Variants in ENTPD1 observed in about 807,000 individuals in gnomAD.
The protein encoded by ENTPD1 is ATP diphosphohydrolase.
Under a neutral mutation model 57.0 loss-of-function variants are expected in ENTPD1, and 33 were observed. The ratio of observed to expected loss-of-function variants is 0.58; its 90% CI spans 0.44 to 0.77. The LOEUF is 0.77. Among genes scored for constraint, ENTPD1 ranks in the 30% least tolerant of loss-of-function variants. The pLI is 0.00. For synonymous variants in ENTPD1, 202 were observed against 218.8 expected (o/e 0.92, Z 0.68); for missense variants, 501 against 603.4 (o/e 0.83, Z 1.78).
chr10:95,802,921 A>G lies in ENTPD1; in HGVS notation c.17-20316A>G, dbSNP rs140699878. Among the ~76,000 whole-genome samples the G allele has an allele frequency of 4.2e-3, 635 of 152,288 alleles. 2 individuals are homozygous for G. The highest frequency in any genetic ancestry group is 6.4e-3 in the Non-Finnish European group (438 of 68,026). On this transcript the variant is annotated intron_variant, in intron 1 of 9. Transcript: ENST00000371205. ...AGTGCCGCAATAAACATACGTATGC[A>G]TACGTCTTTATAGTAGCATGCTTTA...
intron 1 of ENTPD1, among the ~76,000 whole-genome samples, chr10:95,740,836 TGAC>T (rs576880106): frequency 5.4e-4 from 83 of 152,356 alleles, no homozygotes; most frequent in Middle Eastern, 3.4e-3. Flanking sequence ...TGCTGGCTTC[TGAC>T]TTTTCTTCTG....
chr10:95,728,702 TCA>T (rs2097986274), intron 1 of ENTPD1, among the ~76,000 whole-genome samples: 1 of 152,220 alleles, frequency 6.6e-6, no homozygotes, highest in African/African-American at 2.4e-5. Context: ...ATGATGTTCG[TCA>T]CACAGTGTTT....
At chr10:95,751,407 G>A (rs2098011762), upstream of ENTPD1, among the ~76,000 whole-genome samples, 1 of 152,152 alleles carries the variant, frequency 6.6e-6, no homozygotes, top group Non-Finnish European at 1.5e-5. Flanking sequence ...TGTGTGACTA[G>A]GTGGATGGTA....
At chr10:95,850,519 G>C (rs1219198105) in intron 7 of ENTPD1, among the ~76,000 whole-genome samples, 1 of 152,066 alleles carries the variant, frequency 6.6e-6, no homozygotes, top group African/African-American at 2.4e-5. Context: ...GGGGAATGGG[G>C]AGCTGATTTG....
intron 1 of ENTPD1, among the ~76,000 whole-genome samples, chr10:95,725,052 C>G (rs2139837081): frequency 6.6e-6 from 1 of 152,244 alleles, no homozygotes; most frequent in East Asian, 1.9e-4. Flanking sequence ...CTATTTCCCT[C>G]TGTTACTTGA....
chr10:95,785,873 G>A (rs1045595492), intron 1 of ENTPD1, among the ~76,000 whole-genome samples: 6 of 152,194 alleles, frequency 3.9e-5, no homozygotes, highest in African/African-American at 1.4e-4. Context: ...TGAACAATGA[G>A]TATAAAGTGC....
chr10:95,782,465 A>G (rs537330863), intron 1 of ENTPD1, among the ~76,000 whole-genome samples: 13 of 152,340 alleles, frequency 8.5e-5, no homozygotes, highest in African/African-American at 3.1e-4. Flanking sequence ...GGTAGTAAAA[A>G]TGAATATGAC....
rs527987964 is a variant in ENTPD1 at position 95,873,336 on chromosome 10, A to G, written c.*6953A>G. Reference sequence around the variant, plus strand: ...CTCACTCCTCTTATACAACAATCCAAGTGTTTCTTTTGTCAGTTGTCTGTG... The same window carrying G: ...CTCACTCCTCTTATACAACAATCCAGGTGTTTCTTTTGTCAGTTGTCTGTG... On this transcript the variant is annotated 3_prime_UTR_variant, in exon 10 of 10. Coordinates refer to ENST00000371205, the MANE Select transcript of ENTPD1 (RefSeq NM_001776.6). 5 of 985,318 alleles carry G rather than the reference A, an allele frequency of 5.1e-6. No individual in the cohort carries two copies. Among genetic ancestry groups the G allele is most frequent in the African/African-American group, 1.7e-5 (1 of 57,202 alleles). The allele number at this position is 985,318 out of a possible 1,614,324, so 61.0% of individuals were successfully genotyped here. A position where few individuals can be genotyped will look rare whatever the true frequency, so the allele number is the denominator to read the frequency against.
chr10:95,865,209 C>T (rs2098472068), intron 9 of ENTPD1, among the ~76,000 whole-genome samples: 1 of 152,200 alleles, frequency 6.6e-6, no homozygotes, highest in South Asian at 2.1e-4. Flanking sequence ...CTCTGAAAGG[C>T]CCCTTCCATA....
At chr10:95,833,975 G>A (rs1279991466) in intron 2 of ENTPD1, among the ~76,000 whole-genome samples, 1 of 152,204 alleles carries the variant, frequency 6.6e-6, no homozygotes, top group Non-Finnish European at 1.5e-5. Context: ...TGATGCATTG[G>A]TGATGAAGTT....
In ENTPD1 at chr10:95,870,970, TC is replaced by T; in HGVS notation, c.*4589del. 1 of 985,440 alleles carries T rather than the reference TC, an allele frequency of 1.0e-6. No individual in the cohort carries two copies. The highest frequency in any genetic ancestry group is 1.2e-6 in the Non-Finnish European group (1 of 829,926). 61.0% of individuals were successfully genotyped at this position (985,440 alleles called of 1,614,324 possible). A position where few individuals can be genotyped will look rare whatever the true frequency, so the allele number is the denominator to read the frequency against. ...TTCCATATACCTCTTGTTCTCCTTG[TC>T]CAGTGGTTTCTAGGGATATGTTCTC... is the stretch of plus-strand genomic sequence containing the variant. On this transcript the variant is annotated 3_prime_UTR_variant, in exon 10 of 10. Coordinates refer to ENST00000371205, the MANE Select transcript of ENTPD1 (RefSeq NM_001776.6).
At chr10:95,829,012 T>C (rs2098388000) in intron 2 of ENTPD1, among the ~76,000 whole-genome samples, 1 of 152,192 alleles carries the variant, frequency 6.6e-6, no homozygotes, top group Admixed American at 6.5e-5. Context: ...CACCTGGCCA[T>C]GCCCATTTTA....
At chr10:95,817,441 GC>G (rs949001482) in intron 1 of ENTPD1, among the ~76,000 whole-genome samples, 2 of 152,288 alleles carry the variant, frequency 1.3e-5, no homozygotes, top group African/African-American at 4.8e-5. Flanking sequence ...GACTTCAACA[GC>G]CCCCAATGGT....
At chr10:95,844,728 G>T in intron 5 of ENTPD1, 93 bp downstream of exon 5, 1 of 1,431,506 alleles carries the variant, frequency 7.0e-7, no homozygotes, top group Non-Finnish European at 9.8e-7. Flanking sequence ...CAGAATGAAT[G>T]AATGAATGAT....
chr10:95,725,036 A>G (rs2097982146), intron 1 of ENTPD1, among the ~76,000 whole-genome samples: 1 of 151,862 alleles, frequency 6.6e-6, no homozygotes, highest in Non-Finnish European at 1.5e-5. Context: ...TTTATTTTTC[A>G]TCAATCTATT....
At chr10:95,802,672 T>G (rs146888633) in intron 1 of ENTPD1, among the ~76,000 whole-genome samples, 2,184 of 152,278 alleles carry the variant, frequency 0.014, 50 homozygotes, top group African/African-American at 0.05. Flanking sequence ...GTGATCTCAT[T>G]GTTCAATTCC....
chr10:95,814,923 T>C (rs533113226), intron 1 of ENTPD1, among the ~76,000 whole-genome samples: 5 of 152,092 alleles, frequency 3.3e-5, no homozygotes, highest in African/African-American at 1.2e-4. Flanking sequence ...CCCAACCCAA[T>C]GTCCATCTCA....
intron 1 of ENTPD1, among the ~76,000 whole-genome samples, chr10:95,794,573 A>C (rs1329899918): frequency 6.6e-6 from 1 of 152,222 alleles, no homozygotes; most frequent in Non-Finnish European, 1.5e-5. Context: ...AAAGGTCTCC[A>C]GTGAACCTAA....
chr10:95,861,639 T>G (rs764024322), intron 8 of ENTPD1: 4 of 152,128 alleles, frequency 2.6e-5, no homozygotes, highest in Non-Finnish European at 2.9e-5. Context: ...TACAAAATGC[T>G]TAGCGGTGGT....
Sources: gnomAD v4.1 joint callset for allele counts (sites outside exome capture counted in the v4.1 genomes callset) on GRCh38, gnomAD v4.1.1 for gene constraint, MANE v1.5 for transcripts, NCBI Gene and HGNC (gene_info 2026-07-23, HGNC 2026-07-21) for gene names.